The following LYST variants were observed in gnomAD, a reference collection of about 807,000 sequenced individuals.
LYST encodes lysosomal-trafficking regulator.
LYST carries 192 observed loss-of-function variants against 413.6 expected under a neutral mutation model. The ratio of observed to expected loss-of-function variants is 0.46; its 90% CI spans 0.41 to 0.52. LYST has a LOEUF of 0.52. Among genes scored for constraint, LYST ranks in the 20% least tolerant of loss-of-function variants. LYST has a pLI of 0.00. For synonymous variants in LYST, 1,525 were observed against 1,567.3 expected (o/e 0.97, Z 0.64); for missense variants, 3,815 against 4,499.9 (o/e 0.85, Z 4.35).
intron 3 of LYST, among the ~76,000 whole-genome samples, chr1:235,814,121 C>T (rs919959382): frequency 8.6e-5 from 13 of 152,018 alleles, no homozygotes; most frequent in African/African-American, 3.1e-4. Flanking sequence ...TCTAAAAGGA[C>T]CCACAGGTTA....
chr1:235,737,249 G>A (rs1327689887), intron 31 of LYST: 1 of 152,124 alleles, frequency 6.6e-6, no homozygotes, highest in African/African-American at 2.4e-5. Flanking sequence ...TTTTGAAAAT[G>A]TTATATATGT....
chr1:235,757,478 A>C lies in LYST; in HGVS notation c.6882-20T>G. ...GTTACACTAAAACAGAGACCAAAAA[A>C]GTCTTACTAACATGACAAGAAAAGT... On this transcript the variant is annotated intron_variant, in intron 23 of 52. Coordinates refer to ENST00000389793, the MANE Select transcript of LYST (RefSeq NM_000081.4). 6.2e-7 allele frequency: 1 copy of C among 1,601,700 alleles called. No individual in the cohort carries two copies. Among genetic ancestry groups the C allele is most frequent in the South Asian group, 1.1e-5 (1 of 90,872 alleles).
intron 5 of LYST, 43 bp downstream of exon 5, chr1:235,808,412 C>T (rs762358703): frequency 5.7e-6 from 9 of 1,592,514 alleles, no homozygotes; most frequent in Admixed American, 5.1e-5. Context: ...TCTAGACATG[C>T]TCAACAACCC....
chr1:235,770,252 T>C lies in LYST; in HGVS notation c.5830A>G (p.Arg1944Gly), dbSNP rs1668537929. 1.2e-6 allele frequency: 2 copies of C among 1,613,854 alleles called. No individual in the cohort carries two copies. The highest frequency in any genetic ancestry group is 1.1e-5 in the South Asian group (1 of 91,082). The change falls in exon 20 of 53, where the codon AGA (arginine) becomes GGA (glycine). Residue 1944 changes from arginine to glycine, a missense_variant. By Grantham distance (125) the Arg-to-Gly change is moderately radical. Around this residue, in one of 4 missense-constraint regions of LYST, gnomAD observed 530 missense variants for 696.5 expected, o/e 0.76. Coordinates refer to ENST00000389793, the MANE Select transcript of LYST (RefSeq NM_000081.4). ...TLLAALEVLI[R>G]ADHHQQMFNI... ...AACATCTGCTGGTGGTGATCTGCTCTGATGAGGACTTCTAGAGCTGCTAGC... is the reference window on the plus strand; with the variant it reads ...AACATCTGCTGGTGGTGATCTGCTCCGATGAGGACTTCTAGAGCTGCTAGC...
At chr1:235,798,977 TTAAA>T (rs1324595922) in intron 10 of LYST, among the ~76,000 whole-genome samples, 1 of 152,182 alleles carries the variant, frequency 6.6e-6, no homozygotes, top group East Asian at 1.9e-4. Flanking sequence ...ACTATACACT[TTAAA>T]TAGGTGAATG....
chr1:235,785,774 T>G (rs1347186067), intron 14 of LYST, among the ~76,000 whole-genome samples: 2 of 152,320 alleles, frequency 1.3e-5, no homozygotes, highest in South Asian at 2.1e-4. Context: ...AGTTTCGAAT[T>G]CTCTATCTTC....
chr1:235,675,608 C>A (rs981889374), intron 50 of LYST, among the ~76,000 whole-genome samples: 1 of 152,216 alleles, frequency 6.6e-6, no homozygotes, highest in Non-Finnish European at 1.5e-5. Context: ...AACTCCACAA[C>A]CCTGACTCCA....
intron 3 of LYST, among the ~76,000 whole-genome samples, chr1:235,826,320 T>A (rs1675330545): frequency 1.3e-5 from 2 of 152,206 alleles, no homozygotes; most frequent in African/African-American, 2.4e-5. Flanking sequence ...CCAAGGACTT[T>A]TATAGGAATG....
At chr1:235,741,171 A>C (rs1665369533) in intron 31 of LYST, among the ~76,000 whole-genome samples, 1 of 152,240 alleles carries the variant, frequency 6.6e-6, no homozygotes, top group Non-Finnish European at 1.5e-5. Flanking sequence ...CACATTACAA[A>C]GTTTCTGACA....
chr1:235,799,928 C>CTTTTTTTTTTTTTT (rs67988872), intron 10 of LYST, among the ~76,000 whole-genome samples: 2 of 63,504 alleles, frequency 3.1e-5, no homozygotes, highest in African/African-American at 1.3e-4. Context: ...CAATGGAAGC[C>CTTTTTTTTTTTTTT]TTTTTTTTTT....
rs559143750 is a variant in LYST at position 235,724,474 on chromosome 1, T to G, written c.9163-294A>C. Among the ~76,000 whole-genome samples the G allele has an allele frequency of 1.8e-4, 28 of 152,326 alleles. No homozygotes were observed. The South Asian group carries it at 3.3e-3, about 18-fold the overall frequency. On this transcript the variant is annotated intron_variant, in intron 38 of 52. Transcript: ENST00000389793. ...CCCTTGGCCCTGCACTCACAGTTTCTCTATTATTAAATCTTGCATTTGGTG... is the reference window on the plus strand; with the variant it reads ...CCCTTGGCCCTGCACTCACAGTTTCGCTATTATTAAATCTTGCATTTGGTG...
At position 235,733,871 on chromosome 1, in the gene LYST, A is replaced by C. The variant is rs1432295159; in HGVS notation, c.8571T>G (p.Asn2857Lys). Residue 2857 changes from asparagine (N) to lysine (K), a missense_variant, in exon 33 of 53, where the codon AAT (asparagine) becomes AAG (lysine). Asn to Lys is a moderately conservative substitution (Grantham distance 94, BLOSUM62 0). Coordinates refer to ENST00000389793, the MANE Select transcript of LYST (RefSeq NM_000081.4). ...TAACTGTTTTCTGCCAAGCAGCTTT[A>C]TTCACTCCTTCTTCAGTTTCATATT... is the stretch of plus-strand genomic sequence containing the variant. Reference protein sequence around the residue: ...QKKYETEEGVNKAAWQKTVNN... With the variant: ...QKKYETEEGVKKAAWQKTVNN... The C allele has an allele frequency of 1.9e-6, 3 of 1,600,076 alleles. No homozygotes were observed. The highest frequency in any genetic ancestry group is 2.6e-6 in the Non-Finnish European group (3 of 1,167,650).
chr1:235,780,405 TA>T (rs903701174), intron 16 of LYST, among the ~76,000 whole-genome samples: 69 of 145,786 alleles, frequency 4.7e-4, no homozygotes, highest in Admixed American at 8.3e-4. Context: ...TCCTGTCTCT[TA>T]AAAAAAAAAA....
chr1:235,720,791 C>G lies in LYST; in HGVS notation c.9430G>C (p.Glu3144Gln). The change falls in exon 40 of 53, where the codon GAA becomes CAA. Residue 3144 changes from glutamate to glutamine, a missense_variant. Physicochemically the swap from Glu to Gln is conservative, Grantham distance 29 (BLOSUM62 2). Transcript: ENST00000389793. The stretch of plus-strand genomic sequence containing the variant: ...TGTTTGTTTAAGTGAGTCAAATATT[C>G]AAAATTAGTAATTTGCCCAGTATAC... ...LWYTGQITNF[E>Q]YLTHLNKHAG... is the part of the protein sequence containing the mutation. 1 of 1,614,058 alleles carries G rather than the reference C, an allele frequency of 6.2e-7. No homozygotes were observed. The highest frequency in any genetic ancestry group is 8.5e-7 in the Non-Finnish European group (1 of 1,180,000).
At chr1:235,728,676 T>C (rs1376819578) in intron 37 of LYST, among the ~76,000 whole-genome samples, 1 of 152,148 alleles carries the variant, frequency 6.6e-6, no homozygotes, top group East Asian at 1.9e-4. Context: ...TTTTAAAATG[T>C]TGGGAACTTC....
Position 235,720,831 on chromosome 1 carries a change from A to G in LYST, c.9390T>C (p.Ala3130=). The G allele has an allele frequency of 6.2e-7, 1 of 1,613,948 alleles. No individual in the cohort carries two copies. The highest frequency in any genetic ancestry group is 8.5e-7 in the Non-Finnish European group (1 of 1,179,852). The change falls in exon 40 of 53, where the codon GCT becomes GCC. Residue 3130 remains alanine (A), a synonymous_variant. Transcript: ENST00000389793. ...PNLLEYGNIT[A]LTNLWYTGQI... ...GCCCAGTATACCATAAATTTGTCAG[A>G]GCGGTGATGTTACCATATTCCAGAA...
At position 235,777,402 on chromosome 1, in the gene LYST, A is replaced by C; in HGVS notation, c.5215-94T>G. On this transcript the variant is annotated intron_variant, in intron 16 of 52. Transcript: ENST00000389793. ...AGTATTTCAAAGTGAAAACACACTC[A>C]ACTGATCCTTTTCTTTGTTTAAAAA... 3 of 1,022,346 alleles carry C rather than the reference A, an allele frequency of 2.9e-6. No individual in the cohort carries two copies. The South Asian group carries it at 4.0e-5, about 14-fold the overall frequency. The allele number at this position is 1,022,346 out of a possible 1,614,324, so 63.3% of individuals were successfully genotyped here.
At chr1:235,753,709 T>C (rs895959103) in intron 25 of LYST, among the ~76,000 whole-genome samples, 1 of 152,196 alleles carries the variant, frequency 6.6e-6, no homozygotes, top group African/African-American at 2.4e-5. Context: ...AACTTGCCTC[T>C]GGGATGGAAT....
intron 28 of LYST, 73 bp from the exon 29 acceptor site, chr1:235,746,600 T>C: frequency 8.6e-7 from 1 of 1,163,112 alleles, no homozygotes; most frequent in Non-Finnish European, 1.3e-6. Context: ...TTTGCTGAAA[T>C]TTTTTGATTA....
Sources: gnomAD v4.1 joint callset for allele counts (sites outside exome capture counted in the v4.1 genomes callset) on GRCh38, gnomAD v4.1.1 for gene constraint, gnomAD v4.1.1 regional missense constraint, MANE v1.5 for transcripts, NCBI Gene and HGNC (gene_info 2026-07-23, HGNC 2026-07-21) for gene names.